The following THUMPD2 variants were observed in gnomAD, a reference collection of about 807,000 sequenced individuals.
THUMPD2 encodes U6 snRNA (guanine-N(2))-methyltransferase THUMPD2.
Under a neutral mutation model 49.4 loss-of-function variants are expected in THUMPD2, and 56 were observed. That is an observed-to-expected ratio of 1.13 (90% confidence interval 0.91 to 1.41). The LOEUF (loss-of-function observed/expected upper bound fraction) is 1.41. Ranked by LOEUF, THUMPD2 falls within the 40% of genes most tolerant of loss-of-function variation. The pLI, the probability that THUMPD2 is intolerant of heterozygous loss-of-function variation, is 0.00. For synonymous variants in THUMPD2, 237 were observed against 205.2 expected, an observed-to-expected ratio of 1.15 and a Z score of -1.32; for missense variants, 709 against 594.5, an observed-to-expected ratio of 1.19 and a Z score of -2.00.
chr2:39,757,311 T>C, intron 6 of THUMPD2: 1 of 1,054,932 alleles, frequency 9.5e-7, no homozygotes, highest in Non-Finnish European at 1.3e-6. Flanking sequence ...TTGATATGTC[T>C]ACAGAGGAAG....
At chr2:39,770,149 A>G in intron 2 of THUMPD2, 30 bp from the exon 3 acceptor site, 1 of 1,418,394 alleles carries the variant, frequency 7.1e-7, no homozygotes, top group Non-Finnish European at 9.2e-7. Context: ...TTGATCCTCT[A>G]TTGAAGCTTT....
At chr2:39,737,366 G>C (rs1335003533) in intron 9 of THUMPD2, among the ~76,000 whole-genome samples, 2 of 152,152 alleles carry the variant, frequency 1.3e-5, no homozygotes, top group East Asian at 1.9e-4. Flanking sequence ...CCTAAAGACT[G>C]CATGTATTAA....
At chr2:39,776,338 G>A (rs984328824) in intron 1 of THUMPD2, among the ~76,000 whole-genome samples, 1 of 151,222 alleles carries the variant, frequency 6.6e-6, no homozygotes, top group Non-Finnish European at 1.5e-5. Flanking sequence ...CCAACTTACA[G>A]GAAATACAGA....
chr2:39,778,343 C>T (rs568428185), intron 1 of THUMPD2, among the ~76,000 whole-genome samples: 1 of 152,356 alleles, frequency 6.6e-6, no homozygotes, highest in Admixed American at 6.5e-5. Flanking sequence ...TAATTCTTCA[C>T]GACTCCAACC....
chr2:39,748,057 T>A (rs1208308185), intron 8 of THUMPD2, among the ~76,000 whole-genome samples: 1 of 152,196 alleles, frequency 6.6e-6, no homozygotes, highest in African/African-American at 2.4e-5. Context: ...TTTCTTCGTG[T>A]TTTTAGGGAA....
intron 8 of THUMPD2, among the ~76,000 whole-genome samples, chr2:39,754,007 TC>T (rs1675775992): frequency 6.6e-6 from 1 of 151,920 alleles, no homozygotes; most frequent in East Asian, 1.9e-4. Context: ...TTAAATGAAA[TC>T]TTTTAGAAAA....
intron 3 of THUMPD2, chr2:39,769,108 C>T: frequency 7.7e-7 from 1 of 1,303,212 alleles, no homozygotes; most frequent in Non-Finnish European, 1.0e-6. Flanking sequence ...GCAGAGTAGC[C>T]ACTGAATAAG....
intron 3 of THUMPD2, 40 bp from the exon 4 acceptor site, chr2:39,768,541 G>T: frequency 6.5e-7 from 1 of 1,530,702 alleles, no homozygotes; most frequent in Non-Finnish European, 9.0e-7. Flanking sequence ...TACTAAAAAT[G>T]AAAATTTTAA....
At chr2:39,749,256 G>A (rs1035240644) in intron 8 of THUMPD2, among the ~76,000 whole-genome samples, 1 of 152,090 alleles carries the variant, frequency 6.6e-6, no homozygotes, top group African/African-American at 2.4e-5. Flanking sequence ...AAAACCCTAT[G>A]AAATTTCGAA....
At chr2:39,744,058 G>C (rs1015747510) in intron 9 of THUMPD2, among the ~76,000 whole-genome samples, 1 of 123,456 alleles carries the variant, frequency 8.1e-6, no homozygotes, top group Non-Finnish European at 1.7e-5. Context: ...TTTTTTTTTT[G>C]TGAGGGATGG....
intron 1 of THUMPD2, 95 bp from the exon 2 acceptor site, chr2:39,771,735 A>G: frequency 7.7e-7 from 1 of 1,292,660 alleles, no homozygotes; most frequent in Non-Finnish European, 1.1e-6. Flanking sequence ...AAAAATAAAA[A>G]TAACCATTTC....
chr2:39,745,075 T>C (rs892422792), intron 8 of THUMPD2, among the ~76,000 whole-genome samples: 40 of 152,160 alleles, frequency 2.6e-4, no homozygotes, highest in African/African-American at 9.2e-4. Context: ...AGTTACGTTA[T>C]CAGAAAGTAA....
chr2:39,769,388 A>T (rs1373532859), intron 3 of THUMPD2: 3 of 248,730 alleles, frequency 1.2e-5, no homozygotes, highest in Admixed American at 4.9e-5. Context: ...AAATCTAAAG[A>T]ATAATTAATT....
At chr2:39,746,881 T>G (rs761926227) in intron 8 of THUMPD2, among the ~76,000 whole-genome samples, 1 of 150,686 alleles carries the variant, frequency 6.6e-6, no homozygotes, top group Non-Finnish European at 1.5e-5. Flanking sequence ...TTTTGTTCCT[T>G]GTTCTTTCTG....
intron 3 of THUMPD2, chr2:39,768,914 A>G: frequency 7.7e-7 from 1 of 1,301,650 alleles, no homozygotes; most frequent in Non-Finnish European, 1.0e-6. Context: ...TTAGGGTTTG[A>G]CTGATTTTAA....
intron 1 of THUMPD2, among the ~76,000 whole-genome samples, chr2:39,777,178 T>C (rs1679222547): frequency 6.6e-6 from 1 of 152,252 alleles, no homozygotes; most frequent in African/African-American, 2.4e-5. Flanking sequence ...GCTATCTTTA[T>C]TTCAGGGACT....
At position 39,779,105 on chromosome 2, in the gene THUMPD2, C is replaced by A; in HGVS notation, c.126+9G>T. The A allele has an allele frequency of 6.6e-7, 1 of 1,504,182 alleles. No homozygotes were observed. Among genetic ancestry groups the A allele is most frequent in the Non-Finnish European group, 8.8e-7 (1 of 1,133,062 alleles). The allele number at this position is 1,504,182 out of a possible 1,614,324, so 93.2% of individuals were successfully genotyped here. The stretch of plus-strand genomic sequence containing the variant: ...CCACCTCCCCAGGCGCGCAGCGAGG[C>A]CAACTCACCTGCGTGGCCGCCAGCC... On this transcript the variant is annotated intron_variant, in intron 1 of 9. Coordinates refer to ENST00000505747, the MANE Select transcript of THUMPD2 (RefSeq NM_025264.5).
chr2:39,740,335 A>G (rs1360030723), intron 9 of THUMPD2, among the ~76,000 whole-genome samples: 1 of 152,262 alleles, frequency 6.6e-6, no homozygotes, highest in Non-Finnish European at 1.5e-5. Context: ...TATTGTAACA[A>G]CTGATCAGAA....
intron 7 of THUMPD2, among the ~76,000 whole-genome samples, chr2:39,755,673 T>G (rs534204026): frequency 9.8e-5 from 15 of 152,320 alleles, no homozygotes; most frequent in African/African-American, 3.4e-4. Flanking sequence ...GACTAATGAT[T>G]AGAATTCTCT....
Sources: allele counts gnomAD v4.1 joint callset (sites outside exome capture counted in the v4.1 genomes callset), GRCh38; gene constraint gnomAD v4.1.1; transcripts MANE v1.5; gene names NCBI Gene and HGNC (gene_info 2026-07-23, HGNC 2026-07-21).